Variants in GNB5 observed in about 807,000 individuals in gnomAD.
GNB5 encodes the protein guanine nucleotide-binding protein subunit beta-5.
In GNB5, 37 loss-of-function variants were observed where a neutral mutation model predicts 55.3. That is an observed-to-expected ratio of 0.67 (90% CI 0.51 to 0.88). The LOEUF is 0.88. Among genes scored for constraint, GNB5 ranks in the 40% least tolerant of loss-of-function variants. The probability of loss-of-function intolerance (pLI) is 0.00; values close to 1 mark genes in which losing one functional copy is unlikely to be tolerated. For synonymous variants in GNB5, 219 were observed against 198.5 expected, an observed-to-expected ratio of 1.10 and a Z score of -0.87; for missense variants, 476 against 515.3, an observed-to-expected ratio of 0.92 and a Z score of 0.74.
At chr15:52,156,125 T>C (rs536608918) in intron 3 of GNB5, among the ~76,000 whole-genome samples, 1 of 152,336 alleles carries the variant, frequency 6.6e-6, no homozygotes, top group South Asian at 2.1e-4. Flanking sequence ...TTTACATTAG[T>C]AGAGACTCAT....
At chr15:52,165,090 A>C (rs999201449) in intron 3 of GNB5, among the ~76,000 whole-genome samples, 1 of 152,212 alleles carries the variant, frequency 6.6e-6, no homozygotes, top group Non-Finnish European at 1.5e-5. Flanking sequence ...AGCTGAACAG[A>C]CCAAGCATAG....
chr15:52,136,838 G>A (rs1313761218), intron 7 of GNB5: 3 of 361,762 alleles, frequency 8.3e-6, no homozygotes, highest in Admixed American at 7.5e-5. Flanking sequence ...CCCCATCCCT[G>A]TGTTAAACAA....
At chr15:52,142,621 G>T (rs1011647326) in intron 6 of GNB5, among the ~76,000 whole-genome samples, 1 of 151,438 alleles carries the variant, frequency 6.6e-6, no homozygotes, top group Non-Finnish European at 1.5e-5. Context: ...TTACTTTCTA[G>T]AACAAGAAAA....
chr15:52,158,967 C>A (rs1347002888), intron 3 of GNB5, among the ~76,000 whole-genome samples: 1 of 152,134 alleles, frequency 6.6e-6, no homozygotes, highest in Non-Finnish European at 1.5e-5. Flanking sequence ...GGGTGGGGCA[C>A]TGCACTGGGT....
intron 8 of GNB5, 24 bp downstream of exon 8, chr15:52,135,589 A>G (rs761105769): frequency 6.2e-7 from 1 of 1,609,074 alleles, no homozygotes; most frequent in Admixed American, 1.7e-5. Flanking sequence ...CAGGAGCCCT[A>G]GGGAATTTCC....
intron 2 of GNB5, 130 bp from the exon 3 acceptor site, chr15:52,180,009 G>A: frequency 1.7e-6 from 2 of 1,179,236 alleles, no homozygotes; most frequent in Non-Finnish European, 2.1e-6. Context: ...GATGACGCCA[G>A]CAGCTGCGGG....
intron 3 of GNB5, among the ~76,000 whole-genome samples, chr15:52,174,318 C>T (rs917766245): frequency 1.3e-5 from 2 of 152,186 alleles, no homozygotes; most frequent in Non-Finnish European, 2.9e-5. Flanking sequence ...TGTACAGTAG[C>T]AATCAGAAAT....
Position 52,149,931 on chromosome 15 carries a change from G to A in GNB5, c.376-6C>T. ...CACACGATCACCTTCCCATCCTGGA[G>A]GGAGAAGAGCAAACAGTTTAGGGGT... On this transcript the variant is annotated splice_polypyrimidine_tract_variant and splice_region_variant and intron_variant, in intron 4 of 12. Transcript: ENST00000261837. The A allele has an allele frequency of 6.2e-7, 1 of 1,606,868 alleles. No individual in the cohort carries two copies. The highest frequency in any genetic ancestry group is 8.5e-7 in the Non-Finnish European group (1 of 1,173,360).
chr15:52,145,210 T>C (rs972461133), intron 6 of GNB5, among the ~76,000 whole-genome samples: 2 of 152,074 alleles, frequency 1.3e-5, no homozygotes, highest in East Asian at 3.8e-4. Flanking sequence ...AGTACAAATA[T>C]ATATATATTT....
At chr15:52,163,212 G>A (rs10851508) in intron 3 of GNB5, among the ~76,000 whole-genome samples, 77,872 of 152,032 alleles carry the variant, frequency 0.51, 22,830 homozygotes, top group Non-Finnish European at 0.67. Flanking sequence ...CCAAGACGCC[G>A]AGGGCCTTGG....
At chr15:52,167,267 CT>C (rs1177360464) in intron 3 of GNB5, among the ~76,000 whole-genome samples, 1 of 152,170 alleles carries the variant, frequency 6.6e-6, no homozygotes, top group Non-Finnish European at 1.5e-5. Context: ...GGCTGGTACC[CT>C]TTCTTCTGAA....
chr15:52,151,957 A>C (rs985650532), intron 4 of GNB5, among the ~76,000 whole-genome samples: 1 of 152,050 alleles, frequency 6.6e-6, no homozygotes, highest in Non-Finnish European at 1.5e-5. Context: ...ACCCCATCTC[A>C]AGAAAAGAAA....
In GNB5 at chr15:52,164,348, G is replaced by A. The variant is rs552501050; in HGVS notation, c.239-10272C>T. 4.8e-5 allele frequency among the ~76,000 whole-genome samples: 7 copies of A among 145,684 alleles called. 1 individual carries two copies. In the South Asian group the frequency reaches 1.5e-3, roughly 32 times the overall value. On this transcript the variant is annotated intron_variant, in intron 3 of 12. Coordinates refer to ENST00000261837, the MANE Select transcript of GNB5 (RefSeq NM_016194.4). ...AAAAAAAAAAAAAATGCTGGGTGTG[G>A]TGGCTCAAGCCTGTAATCCCAGCAC...
chr15:52,149,524 A>G, intron 5 of GNB5: 1 of 557,212 alleles, frequency 1.8e-6, no homozygotes, highest in South Asian at 2.4e-5. Flanking sequence ...AGTCTGGTCA[A>G]AGAGAGGGGA....
intron 3 of GNB5, among the ~76,000 whole-genome samples, chr15:52,170,333 C>A (rs539653738): frequency 1.3e-4 from 20 of 152,186 alleles, no homozygotes; most frequent in African/African-American, 4.8e-4. Flanking sequence ...CAATGATAGA[C>A]TGGATAAAGA....
chr15:52,167,126 G>A (rs532061066), intron 3 of GNB5, among the ~76,000 whole-genome samples: 9 of 152,192 alleles, frequency 5.9e-5, no homozygotes, highest in African/African-American at 2.2e-4. Context: ...GACTGAACCA[G>A]GAAGAAATGG....
chr15:52,146,452 G>T (rs2033978373), intron 6 of GNB5, among the ~76,000 whole-genome samples: 1 of 152,186 alleles, frequency 6.6e-6, no homozygotes, highest in Non-Finnish European at 1.5e-5. Flanking sequence ...TTTTCACACA[G>T]TGTAATTGAG....
At chr15:52,176,117 T>C (rs2034645485) in intron 3 of GNB5, among the ~76,000 whole-genome samples, 1 of 152,038 alleles carries the variant, frequency 6.6e-6, no homozygotes, top group South Asian at 2.1e-4. Flanking sequence ...CCAGTCACCA[T>C]AAGAGATACA....
chr15:52,126,900 G>A (rs1050634821), intron 10 of GNB5, among the ~76,000 whole-genome samples: 27 of 152,074 alleles, frequency 1.8e-4, no homozygotes, highest in Admixed American at 4.6e-4. Flanking sequence ...GGGTTCAAAC[G>A]ATTCTCCTGC....
Sources: gnomAD v4.1 joint callset for allele counts (sites outside exome capture counted in the v4.1 genomes callset) on GRCh38, gnomAD v4.1.1 for gene constraint, MANE v1.5 for transcripts, NCBI Gene and HGNC (gene_info 2026-07-23, HGNC 2026-07-21) for gene names.